C8orf34: variants seen among roughly 807,000 people sequenced by gnomAD.
The protein encoded by C8orf34 is chromosome 8 open reading frame 34, also known as uncharacterized protein C8orf34.
Under a neutral mutation model 68.3 loss-of-function variants are expected in C8orf34, and 65 were observed. That is an observed-to-expected ratio of 0.95 (90% confidence interval 0.78 to 1.17). The LOEUF is 1.17. Ranked by LOEUF, C8orf34 falls within the 50% of genes most tolerant of loss-of-function variation. The probability of loss-of-function intolerance (pLI) is 0.00; values close to 1 mark genes in which losing one functional copy is unlikely to be tolerated. For synonymous variants in C8orf34, 244 were observed against 241.2 expected (o/e 1.01, Z -0.11); for missense variants, 664 against 655.4 (o/e 1.01, Z -0.14).
intron 5 of C8orf34, among the ~76,000 whole-genome samples, chr8:68,515,335 T>C (rs917224296): frequency 6.6e-6 from 1 of 151,914 alleles, no homozygotes. Flanking sequence ...AGCTGCTCTA[T>C]GTAAATTACA....
At chr8:68,801,904 A>T (rs1824337470) in intron 12 of C8orf34, among the ~76,000 whole-genome samples, 1 of 151,944 alleles carries the variant, frequency 6.6e-6, no homozygotes, top group Non-Finnish European at 1.5e-5. Context: ...TTAAAAAAAA[A>T]AAAAGATTCT....
chr8:68,515,573 T>G (rs1814476394), intron 5 of C8orf34, among the ~76,000 whole-genome samples: 1 of 152,120 alleles, frequency 6.6e-6, no homozygotes, highest in Non-Finnish European at 1.5e-5. Context: ...CAAACAAAGT[T>G]GAAACTTAGT....
intron 5 of C8orf34, among the ~76,000 whole-genome samples, chr8:68,491,793 A>G (rs951613742): frequency 2.6e-5 from 4 of 152,226 alleles, no homozygotes; most frequent in South Asian, 2.1e-4. Flanking sequence ...TAGGACATGA[A>G]CATCTCTGGG....
chr8:68,797,917 G>T (rs1824223951), intron 12 of C8orf34, among the ~76,000 whole-genome samples: 1 of 152,044 alleles, frequency 6.6e-6, no homozygotes, highest in Admixed American at 6.6e-5. Flanking sequence ...GTCAGCTAGG[G>T]TATCTCACAC....
intron 12 of C8orf34, among the ~76,000 whole-genome samples, chr8:68,806,884 C>T (rs1027685167): frequency 1.1e-4 from 16 of 152,178 alleles, no homozygotes; most frequent in Middle Eastern, 3.2e-3. Context: ...AACAAGGAGG[C>T]TCATGCCTTT....
chr8:68,739,212 A>G (rs7845270), intron 10 of C8orf34, among the ~76,000 whole-genome samples: 48,712 of 151,884 alleles, frequency 0.32, 8,116 homozygotes, highest in African/African-American at 0.41. Flanking sequence ...CTCAATAGAT[A>G]CAGAAAAGGC....
intron 4 of C8orf34, among the ~76,000 whole-genome samples, chr8:68,480,657 A>G (rs1812820527): frequency 6.6e-6 from 1 of 152,176 alleles, no homozygotes; most frequent in African/African-American, 2.4e-5. Flanking sequence ...GAGATGAGGA[A>G]CTTGTTGGGA....
chr8:68,688,192 A>G (rs1195003155), intron 8 of C8orf34, among the ~76,000 whole-genome samples: 3 of 152,080 alleles, frequency 2.0e-5, no homozygotes, highest in Non-Finnish European at 4.4e-5. Context: ...GTAAATTACT[A>G]TGGAAAATAG....
At chr8:68,470,848 G>T (rs931309232) in intron 4 of C8orf34, among the ~76,000 whole-genome samples, 1 of 152,038 alleles carries the variant, frequency 6.6e-6, no homozygotes, top group Non-Finnish European at 1.5e-5. Context: ...TACCTCCCAG[G>T]CTCCACCTCC....
intron 12 of C8orf34, among the ~76,000 whole-genome samples, chr8:68,794,185 A>T (rs916930194): frequency 6.6e-6 from 1 of 151,478 alleles, no homozygotes; most frequent in African/African-American, 2.4e-5. Context: ...TTTCTTTGAG[A>T]CAATGTGACA....
intron 10 of C8orf34, among the ~76,000 whole-genome samples, chr8:68,753,460 G>A (rs1178732736): frequency 6.6e-6 from 1 of 152,186 alleles, no homozygotes; most frequent in Admixed American, 6.5e-5. Flanking sequence ...GTATGATGTA[G>A]ACTGTATACA....
rs149717197 is a variant in C8orf34 at position 68,352,042 on chromosome 8, CT to C, written c.327+20712del. 8.4e-3 allele frequency among the ~76,000 whole-genome samples: 1,273 copies of C among 151,378 alleles called. 40 individuals are homozygous for C. In the East Asian group the frequency reaches 0.1, roughly 12 times the overall value. ...GTCTTTGGAACATTTTTGAATCAGA[CT>C]TTTTTTTTACTGTCGAGTTTTAAGG... On this transcript the variant is annotated intron_variant, in intron 1 of 13. Coordinates refer to ENST00000518698, the MANE Select transcript of C8orf34 (RefSeq NM_052958.4).
chr8:68,353,720 C>CA (rs887303000), intron 1 of C8orf34, among the ~76,000 whole-genome samples: 8 of 148,490 alleles, frequency 5.4e-5, no homozygotes, highest in African/African-American at 7.4e-5. Context: ...GAAAATATTG[C>CA]AAAAAAAATT....
At chr8:68,496,663 T>A (rs1813537808) in intron 5 of C8orf34, among the ~76,000 whole-genome samples, 1 of 152,220 alleles carries the variant, frequency 6.6e-6, no homozygotes, top group African/African-American at 2.4e-5. Context: ...AGTAAGAATG[T>A]CTTTTCACCA....
At chr8:68,446,249 T>C in intron 2 of C8orf34, 80 bp from the exon 3 acceptor site, 1 of 1,211,478 alleles carries the variant, frequency 8.3e-7, no homozygotes, top group Non-Finnish European at 1.2e-6. Context: ...GTCAAGTATA[T>C]TTAATGACTT....
chr8:68,389,091 G>T (rs1188872210), intron 1 of C8orf34, among the ~76,000 whole-genome samples: 12 of 152,226 alleles, frequency 7.9e-5, no homozygotes, highest in Non-Finnish European at 1.5e-4. Flanking sequence ...TCTGGCATTC[G>T]TATTTTTGTA....
intron 1 of C8orf34, among the ~76,000 whole-genome samples, chr8:68,361,455 G>T (rs953856245): frequency 7.2e-5 from 11 of 152,208 alleles, no homozygotes; most frequent in Non-Finnish European, 1.2e-4. Flanking sequence ...ATTCCTGGCA[G>T]CTGGCACAAT....
At chr8:68,772,267 A>G (rs909845137) in intron 10 of C8orf34, among the ~76,000 whole-genome samples, 1 of 152,220 alleles carries the variant, frequency 6.6e-6, no homozygotes, top group African/African-American at 2.4e-5. Context: ...TACCCTACAC[A>G]CAAGTGCCAG....
At chr8:68,504,682 AT>A (rs563414330) in intron 5 of C8orf34, among the ~76,000 whole-genome samples, 8,369 of 128,744 alleles carry the variant, frequency 0.065, 222 homozygotes, top group Middle Eastern at 0.097. Flanking sequence ...ACCATGCCTA[AT>A]TTTTTTTTTT....
Sources: allele counts gnomAD v4.1 joint callset (sites outside exome capture counted in the v4.1 genomes callset), GRCh38; gene constraint gnomAD v4.1.1; transcripts MANE v1.5; gene names NCBI Gene and HGNC (gene_info 2026-07-23, HGNC 2026-07-21).